TRPC7: variants seen among roughly 807,000 people sequenced by gnomAD.
TRPC7 encodes transient receptor potential cation channel subfamily C member 7, also known as short transient receptor potential channel 7.
Under a neutral mutation model 90.1 loss-of-function variants are expected in TRPC7, and 42 were observed. That is an observed-to-expected ratio of 0.47 (90% CI 0.36 to 0.60). TRPC7 has a LOEUF of 0.60. TRPC7 is among the 20% of genes least tolerant of loss of function. The pLI is 0.00. For missense variants in TRPC7, 955 were observed against 1,112.3 expected, an observed-to-expected ratio of 0.86 and a Z score of 2.01; for synonymous variants, 451 against 436.3, an observed-to-expected ratio of 1.03 and a Z score of -0.42.
intron 2 of TRPC7, among the ~76,000 whole-genome samples, chr5:136,321,301 A>G (rs752695396): frequency 5.3e-5 from 8 of 152,206 alleles, no homozygotes; most frequent in Non-Finnish European, 1.0e-4. Flanking sequence ...ATAAGGATAT[A>G]TGAATCCCTG....
rs1439154291 is a variant in TRPC7 at position 136,357,262 on chromosome 5, G to A, written c.126C>T (p.Pro42=). 8 of 1,613,460 alleles carry A rather than the reference G, an allele frequency of 5.0e-6. No individual in the cohort carries two copies. Among genetic ancestry groups the A allele is most frequent in the Admixed American group, 3.3e-5 (2 of 60,020 alleles). Residue 42 remains proline, a synonymous_variant, in exon 2 of 12, where the codon CCC becomes CCT. Coordinates refer to ENST00000513104, the MANE Select transcript of TRPC7 (RefSeq NM_020389.3). ...MFNEKGTSLT[P]EEERFLDSAE... ...CCGAGTCCAGGAAGCGCTCCTCCTC[G>A]GGCGTCAGACTGGTGCCCTTCTCGT...
chr5:136,215,084 G>C (rs1755220698), intron 11 of TRPC7, among the ~76,000 whole-genome samples: 1 of 152,108 alleles, frequency 6.6e-6, no homozygotes, highest in Non-Finnish European at 1.5e-5. Context: ...GTGGGGTCTG[G>C]GATCTGTAGT....
chr5:136,359,935 G>A (rs1042225864), intron 1 of TRPC7, among the ~76,000 whole-genome samples: 1 of 152,110 alleles, frequency 6.6e-6, no homozygotes, highest in Admixed American at 6.5e-5. Context: ...AGAAAAAGCA[G>A]TTTACACTCA....
chr5:136,259,537 G>T (rs765211084), intron 5 of TRPC7, among the ~76,000 whole-genome samples: 1 of 152,202 alleles, frequency 6.6e-6, no homozygotes, highest in East Asian at 1.9e-4. Flanking sequence ...GGAGATGCTT[G>T]CTAGCTTCCA....
At chr5:136,258,841 T>C (rs1458934994) in intron 5 of TRPC7, among the ~76,000 whole-genome samples, 1 of 152,226 alleles carries the variant, frequency 6.6e-6, no homozygotes, top group African/African-American at 2.4e-5. Context: ...TGCATCTGCC[T>C]CTCTGTTCTC....
intron 2 of TRPC7, among the ~76,000 whole-genome samples, chr5:136,325,494 A>T (rs17170107): frequency 0.018 from 2,728 of 152,022 alleles, 86 homozygotes; most frequent in African/African-American, 0.063. Flanking sequence ...GATATTTTGT[A>T]TGCTGATGGG....
chr5:136,215,117 G>T (rs1351697773), intron 11 of TRPC7, among the ~76,000 whole-genome samples: 1 of 152,138 alleles, frequency 6.6e-6, no homozygotes, highest in African/African-American at 2.4e-5. Context: ...TTCTGAGGTG[G>T]GGAACACTTT....
At chr5:136,245,636 G>A (rs763459140) in intron 7 of TRPC7, among the ~76,000 whole-genome samples, 6 of 152,066 alleles carry the variant, frequency 3.9e-5, no homozygotes, top group Non-Finnish European at 8.8e-5. Flanking sequence ...CATTGATCCT[G>A]GCTGCTGTGC....
At chr5:136,305,168 C>A (rs1758569332) in intron 3 of TRPC7, among the ~76,000 whole-genome samples, 1 of 152,208 alleles carries the variant, frequency 6.6e-6, no homozygotes, top group Non-Finnish European at 1.5e-5. Context: ...AATCTGGCTT[C>A]CCATATTATT....
In TRPC7 at chr5:136,293,214, CT is replaced by C. The variant is rs934705147; in HGVS notation, c.964-18378del. On this transcript the variant is annotated intron_variant, in intron 3 of 11. Transcript: ENST00000513104. Reference sequence around the variant, plus strand: ...AATGGACAAAAACTGGAAGCATTCCCTTTGAAAACTGGCACAAGACAGGGAT... The same window carrying C: ...AATGGACAAAAACTGGAAGCATTCCCTTGAAAACTGGCACAAGACAGGGAT... 4.1e-4 allele frequency among the ~76,000 whole-genome samples: 63 copies of C among 152,184 alleles called. 1 individual carries two copies. Among genetic ancestry groups the C allele is most frequent in the Non-Finnish European group, 1.3e-4 (9 of 68,026 alleles).
chr5:136,218,319 A>AC (rs1266733273), intron 10 of TRPC7, among the ~76,000 whole-genome samples: 1 of 150,812 alleles, frequency 6.6e-6, no homozygotes, highest in Non-Finnish European at 1.5e-5. Context: ...GTTCTCATGA[A>AC]AAAAAAAATA....
At chr5:136,314,394 G>A (rs908314784) in intron 3 of TRPC7, 1 of 152,180 alleles carries the variant, frequency 6.6e-6, no homozygotes, top group Non-Finnish European at 1.5e-5. Context: ...TTCCTGAGCT[G>A]AGTAAATAGT....
intron 2 of TRPC7, among the ~76,000 whole-genome samples, chr5:136,338,493 G>A (rs542587954): frequency 7.0e-4 from 107 of 152,250 alleles, no homozygotes; most frequent in African/African-American, 2.6e-3. Flanking sequence ...ATTGAGAGCT[G>A]GTGAAAAAGT....
intron 2 of TRPC7, among the ~76,000 whole-genome samples, chr5:136,329,239 A>C (rs2149845566): frequency 6.6e-6 from 1 of 152,316 alleles, no homozygotes; most frequent in South Asian, 2.1e-4. Context: ...TCTTTCAAGG[A>C]AACGACTCAG....
chr5:136,229,546 G>A (rs1375719290), intron 8 of TRPC7, among the ~76,000 whole-genome samples: 3 of 152,134 alleles, frequency 2.0e-5, no homozygotes, highest in African/African-American at 4.8e-5. Context: ...ATGGGGCCCC[G>A]ATCTTCTTGG....
chr5:136,238,017 T>C (rs1203061389), intron 7 of TRPC7, among the ~76,000 whole-genome samples: 1 of 152,140 alleles, frequency 6.6e-6, no homozygotes, highest in African/African-American at 2.4e-5. Flanking sequence ...CGAGGCTGGC[T>C]CTCCCTTCAC....
intron 2 of TRPC7, among the ~76,000 whole-genome samples, chr5:136,316,944 C>G (rs1279217814): frequency 6.6e-6 from 1 of 152,138 alleles, no homozygotes; most frequent in Non-Finnish European, 1.5e-5. Flanking sequence ...TAGTTGGAAG[C>G]CTGGCAAACT....
chr5:136,219,241 C>T (rs1282120359), intron 10 of TRPC7, among the ~76,000 whole-genome samples: 1 of 152,178 alleles, frequency 6.6e-6, no homozygotes, highest in South Asian at 2.1e-4. Flanking sequence ...CTGGCATGCT[C>T]GATCTGAGCC....
chr5:136,297,146 C>G (rs1758207134), intron 3 of TRPC7, among the ~76,000 whole-genome samples: 1 of 152,200 alleles, frequency 6.6e-6, no homozygotes, highest in African/African-American at 2.4e-5. Flanking sequence ...CATGAACCTC[C>G]TCCTGTTCCA....
Sources: gnomAD v4.1 joint callset for allele counts (sites outside exome capture counted in the v4.1 genomes callset) on GRCh38, gnomAD v4.1.1 for gene constraint, MANE v1.5 for transcripts, NCBI Gene and HGNC (gene_info 2026-07-23, HGNC 2026-07-21) for gene names.